F3: variants seen among roughly 807,000 people sequenced by gnomAD.
F3 encodes the protein coagulation factor III, tissue factor, also known as tissue factor.
A neutral mutation model predicts 33.5 loss-of-function variants in F3; 18 were observed. The observed-to-expected ratio is 0.54, with a 90% CI of 0.37 to 0.80. The LOEUF is 0.80. Ranked by LOEUF, F3 falls within the 30% of genes least tolerant of loss-of-function variation. The pLI, the probability that F3 is intolerant of heterozygous loss-of-function variation, is 0.00. For synonymous variants in F3, 147 were observed against 140.7 expected, an observed-to-expected ratio of 1.05 and a Z score of -0.32; for missense variants, 353 against 362.1, an observed-to-expected ratio of 0.97 and a Z score of 0.20.
intron 2 of F3, among the ~76,000 whole-genome samples, chr1:94,538,590 AC>A (rs1417639890): frequency 6.6e-6 from 1 of 152,338 alleles, no homozygotes; most frequent in East Asian, 1.9e-4. Flanking sequence ...TGGCAGAGCC[AC>A]CTGAGGGATG....
intron 3 of F3, among the ~76,000 whole-genome samples, chr1:94,534,810 C>T (rs1224201620): frequency 2.0e-5 from 3 of 151,964 alleles, no homozygotes; most frequent in African/African-American, 7.3e-5. Context: ...CTATCTTGCA[C>T]CAACAAAGGA....
rs1651794567 is a variant in F3 at position 94,541,696 on chromosome 1, T to C, written c.-60A>G. The C allele has an allele frequency of 1.7e-6, 2 of 1,185,354 alleles. No homozygotes were observed. The highest frequency in any genetic ancestry group is 1.1e-6 in the Non-Finnish European group (1 of 901,746). 73.4% of individuals were successfully genotyped at this position (1,185,354 alleles called of 1,614,324 possible). A position where few individuals can be genotyped will look rare whatever the true frequency, so the allele number is the denominator to read the frequency against. ...GTGGCGCCCGTGGGGCTGGGGAGGT[T>C]GGGCTGAAGGCGCCCTGGGCCGGCC... On this transcript the variant is annotated 5_prime_UTR_variant, in exon 1 of 6. Coordinates refer to ENST00000334047, the MANE Select transcript of F3 (RefSeq NM_001993.5).
At chr1:94,539,245 C>CA (rs1651699901) in intron 2 of F3, among the ~76,000 whole-genome samples, 1 of 151,960 alleles carries the variant, frequency 6.6e-6, no homozygotes, top group South Asian at 2.1e-4. Flanking sequence ...TCTCTCCCCC[C>CA]ACCCCCATAC....
chr1:94,538,865 T>C (rs1327856199), intron 2 of F3, among the ~76,000 whole-genome samples: 1 of 152,190 alleles, frequency 6.6e-6, no homozygotes, highest in Non-Finnish European at 1.5e-5. Flanking sequence ...AGGACCACCC[T>C]GAGTCGGCTG....
intron 3 of F3, among the ~76,000 whole-genome samples, chr1:94,535,252 A>G (rs1651565186): frequency 6.6e-6 from 1 of 152,220 alleles, no homozygotes; most frequent in African/African-American, 2.4e-5. Flanking sequence ...ACATGCATTT[A>G]TCTAAATTGC....
chr1:94,537,383 A>C (rs935451055), intron 2 of F3, among the ~76,000 whole-genome samples: 1 of 152,110 alleles, frequency 6.6e-6, no homozygotes, highest in African/African-American at 2.4e-5. Context: ...TCCCAACTCC[A>C]CCTGCTCCAG....
At chr1:94,538,829 C>T (rs928372269) in intron 2 of F3, among the ~76,000 whole-genome samples, 5 of 152,208 alleles carry the variant, frequency 3.3e-5, no homozygotes, top group East Asian at 1.9e-4. Flanking sequence ...CCCTCCAGTA[C>T]AGCAGCAAGA....
In F3 at chr1:94,532,312, G is replaced by A. The variant is rs1348033071; in HGVS notation, c.751+9C>T. ...TACCCCCAGGCAAATGGCTGGCAGA[G>A]CCACTCACCTCTGAATTCCCCTTTC... On this transcript the variant is annotated intron_variant, in intron 5 of 5. Coordinates refer to ENST00000334047, the MANE Select transcript of F3 (RefSeq NM_001993.5). 1 of 1,613,016 alleles carries A rather than the reference G, an allele frequency of 6.2e-7. No homozygotes were observed. The highest frequency in any genetic ancestry group is 8.5e-7 in the Non-Finnish European group (1 of 1,179,642).
At chr1:94,537,513 G>A (rs1651639121) in intron 2 of F3, among the ~76,000 whole-genome samples, 1 of 152,164 alleles carries the variant, frequency 6.6e-6, no homozygotes, top group Non-Finnish European at 1.5e-5. Context: ...GCATGCCCTT[G>A]TGTGCCCCCA....
At chr1:94,532,193 TC>T (rs5776224) in intron 5 of F3, 127 bp downstream of exon 5, 280,859 of 942,630 alleles carry the variant, frequency 0.3, 44,498 homozygotes, top group East Asian at 0.47. Flanking sequence ...ACAAAAAACC[TC>T]CAGGCAGTTT....
At position 94,533,155 on chromosome 1, in the gene F3, G is replaced by C. The variant is rs767150963; in HGVS notation, c.526C>G (p.Arg176Gly). 1.2e-6 allele frequency: 2 copies of C among 1,613,790 alleles called. No homozygotes were observed. Among genetic ancestry groups the C allele is most frequent in the South Asian group, 2.2e-5 (2 of 90,934 alleles). ...VRRNNTFLSL[R>G]DVFGKDLIYT... Reference sequence around the variant, plus strand: ...ATTAAGTCCTTGCCAAAAACATCCCGGAGGCTTAGGAAAGTGTTGTTCCTT... The same window carrying C: ...ATTAAGTCCTTGCCAAAAACATCCCCGAGGCTTAGGAAAGTGTTGTTCCTT... The change falls in exon 4 of 6, where the codon CGG becomes GGG. Residue 176 changes from arginine (R) to glycine (G), a missense_variant. Coordinates refer to ENST00000334047, the MANE Select transcript of F3 (RefSeq NM_001993.5).
chr1:94,536,196 T>G, intron 2 of F3, 32 bp from the exon 3 acceptor site: 2 of 1,603,348 alleles, frequency 1.2e-6, no homozygotes, highest in Admixed American at 1.7e-5. Flanking sequence ...GAAACATAAA[T>G]GGAATGTTAC....
chr1:94,533,472 G>A (rs1329791052), intron 3 of F3, among the ~76,000 whole-genome samples: 1 of 152,186 alleles, frequency 6.6e-6, no homozygotes, highest in Non-Finnish European at 1.5e-5. Flanking sequence ...GAAGACAATG[G>A]AGCCTCAGAT....
chr1:94,535,819 T>C, intron 3 of F3, 146 bp downstream of exon 3: 1 of 714,772 alleles, frequency 1.4e-6, no homozygotes, highest in Non-Finnish European at 2.3e-6. Flanking sequence ...ACATCTGGAA[T>C]GTGTGAAGAG....
Position 94,541,695 on chromosome 1 carries a change from T to A in F3, c.-59A>T, listed in dbSNP as rs1219519010. 1.6e-5 allele frequency: 20 copies of A among 1,216,648 alleles called. No individual in the cohort carries two copies. The highest frequency in any genetic ancestry group is 1.9e-5 in the Non-Finnish European group (18 of 929,904). The allele number at this position is 1,216,648 out of a possible 1,614,324, so 75.4% of individuals were successfully genotyped here. On this transcript the variant is annotated 5_prime_UTR_variant, in exon 1 of 6. Coordinates refer to ENST00000334047, the MANE Select transcript of F3 (RefSeq NM_001993.5). ...CGTGGCGCCCGTGGGGCTGGGGAGGTTGGGCTGAAGGCGCCCTGGGCCGGC... is the reference window on the plus strand; with the variant it reads ...CGTGGCGCCCGTGGGGCTGGGGAGGATGGGCTGAAGGCGCCCTGGGCCGGC...
chr1:94,530,395 A>G lies in F3; in HGVS notation c.*65T>C. On this transcript the variant is annotated 3_prime_UTR_variant, in exon 6 of 6. Coordinates refer to ENST00000334047, the MANE Select transcript of F3 (RefSeq NM_001993.5). Reference sequence around the variant, plus strand: ...ACTCATTTGCGTTTCCATGTATTCTATCCTCTTAAAAGTTCTCGGTCACAG... The same window carrying G: ...ACTCATTTGCGTTTCCATGTATTCTGTCCTCTTAAAAGTTCTCGGTCACAG... 5 of 1,598,466 alleles carry G rather than the reference A, an allele frequency of 3.1e-6. No individual in the cohort carries two copies. Among genetic ancestry groups the G allele is most frequent in the Non-Finnish European group, 4.3e-6 (5 of 1,171,096 alleles).
At position 94,535,668 on chromosome 1, in the gene F3, G is replaced by A. The variant is rs139199943; in HGVS notation, c.412+297C>T. Among the ~76,000 whole-genome samples the A allele has an allele frequency of 3.0e-3, 450 of 151,946 alleles. 2 individuals are homozygous for A. The highest frequency in any genetic ancestry group is 0.01 in the African/African-American group (431 of 41,438). On this transcript the variant is annotated intron_variant, in intron 3 of 5. Transcript: ENST00000334047. The stretch of plus-strand genomic sequence containing the variant: ...CTTGGTGGATTTCCTATCCCTACCC[G>A]CTTCCCTGGCCCGCCCTCTCCCAAC...
chr1:94,534,477 A>G (rs1160204232), intron 3 of F3, among the ~76,000 whole-genome samples: 1 of 152,188 alleles, frequency 6.6e-6, no homozygotes, highest in Non-Finnish European at 1.5e-5. Context: ...GTTTTGAGAT[A>G]TTCTACACTT....
chr1:94,533,064 A>G (rs778883216), intron 4 of F3, 26 bp downstream of exon 4: 1 of 1,604,006 alleles, frequency 6.2e-7, no homozygotes, highest in Non-Finnish European at 8.5e-7. Flanking sequence ...AAAACAGGTC[A>G]TAAAAACAAA....
Sources: allele counts gnomAD v4.1 joint callset (sites outside exome capture counted in the v4.1 genomes callset), GRCh38; gene constraint gnomAD v4.1.1; transcripts MANE v1.5; gene names NCBI Gene and HGNC (gene_info 2026-07-23, HGNC 2026-07-21).